SDK2: variants seen among roughly 807,000 people sequenced by gnomAD.
SDK2 encodes the protein protein sidekick-2.
Under a neutral mutation model 253.9 loss-of-function variants are expected in SDK2, and 105 were observed. The ratio of observed to expected loss-of-function variants is 0.41; its 90% CI spans 0.35 to 0.49. The LOEUF is 0.49. SDK2 is among the 20% of genes least tolerant of loss of function. The pLI, the probability that SDK2 is intolerant of heterozygous loss-of-function variation, is 0.06. For missense variants in SDK2, 2,608 were observed against 3,003.0 expected, an observed-to-expected ratio of 0.87 and a Z score of 3.07; for synonymous variants, 1,249 against 1,234.9, an observed-to-expected ratio of 1.01 and a Z score of -0.24.
Position 73,358,222 on chromosome 17 carries a change from A to G in SDK2, c.5468-18T>C, listed in dbSNP as rs1342377779. 2 of 1,583,794 alleles carry G rather than the reference A, an allele frequency of 1.3e-6. No homozygotes were observed. The highest frequency in any genetic ancestry group is 2.3e-5 in the East Asian group (1 of 44,384). On this transcript the variant is annotated intron_variant, in intron 39 of 44. Transcript: ENST00000392650. ...TGGGGCACCTGCAGACAGCACACAG[A>G]GGCGAGGGATGTATGGAACCCAGAA... is the stretch of plus-strand genomic sequence containing the variant.
At chr17:73,483,584 T>C (rs1354973440) in intron 2 of SDK2, among the ~76,000 whole-genome samples, 1 of 142,802 alleles carries the variant, frequency 7.0e-6, no homozygotes, top group African/African-American at 2.6e-5. Flanking sequence ...TATGTGTATA[T>C]ATATGTATAT....
chr17:73,622,417 G>T (rs1335600892), intron 1 of SDK2, among the ~76,000 whole-genome samples: 1 of 152,206 alleles, frequency 6.6e-6, no homozygotes, highest in African/African-American at 2.4e-5. Flanking sequence ...ACTACAGTAT[G>T]ATGCTTCTGG....
intron 2 of SDK2, among the ~76,000 whole-genome samples, chr17:73,497,678 G>C (rs536360767): frequency 6.7e-6 from 1 of 150,330 alleles, no homozygotes; most frequent in Admixed American, 6.6e-5. Flanking sequence ...TGGCCCAGCC[G>C]CCCCTCGCAG....
rs575405854 is a variant in SDK2, at chr17:73,454,474, G to A, written c.479+1432C>T. ...AACTTCACTTGATTGCCTGTAAAAC[G>A]GGGAGAAACCCAGCACCTCACCGGG... On this transcript the variant is annotated intron_variant, in intron 4 of 44. Transcript: ENST00000392650. Among the ~76,000 whole-genome samples the A allele has an allele frequency of 1.3e-4, 20 of 152,294 alleles. 1 individual carries two copies. Among genetic ancestry groups the A allele is most frequent in the Admixed American group, 1.1e-3 (17 of 15,300 alleles).
intron 2 of SDK2, among the ~76,000 whole-genome samples, chr17:73,505,146 A>G (rs1211484537): frequency 1.3e-5 from 2 of 152,226 alleles, no homozygotes; most frequent in African/African-American, 2.4e-5. Context: ...GAATTTGCAG[A>G]GCAGTTAGCC....
intron 1 of SDK2, among the ~76,000 whole-genome samples, chr17:73,590,476 G>A (rs191739798): frequency 8.5e-5 from 13 of 152,230 alleles, no homozygotes; most frequent in South Asian, 6.2e-4. Flanking sequence ...GCTCTGCCCC[G>A]TCTGGCTCTG....
chr17:73,445,815 G>A (rs1322370678), intron 5 of SDK2, among the ~76,000 whole-genome samples: 6 of 152,310 alleles, frequency 3.9e-5, no homozygotes, highest in African/African-American at 1.4e-4. Context: ...AGCGGATTCT[G>A]CTCTGAATTC....
Position 73,338,854 on chromosome 17 carries a change from G to A in SDK2, c.6252C>T (p.Tyr2084=), listed in dbSNP as rs772848713. The change falls in exon 45 of 45, where the codon TAC becomes TAT. Residue 2084 remains tyrosine, a synonymous_variant. Transcript: ENST00000392650. The surrounding 1 kb of genome is among the most constrained non-coding windows in gnomAD (Gnocchi z 5.0). ...VNHYISDPTY[Y]NSWRRQQKGI... Reference sequence around the variant, plus strand: ...CCTTCTGCTGTCGCCGCCACGAGTTGTAGTATGTGGGGTCACTGATGTAGT... The same window carrying A: ...CCTTCTGCTGTCGCCGCCACGAGTTATAGTATGTGGGGTCACTGATGTAGT... 6.2e-6 allele frequency: 10 copies of A among 1,614,020 alleles called. No homozygotes were observed. The South Asian group carries it at 9.9e-5, about 16-fold the overall frequency.
chr17:73,391,820 C>A (rs1467279924), intron 27 of SDK2, among the ~76,000 whole-genome samples: 1 of 152,272 alleles, frequency 6.6e-6, no homozygotes, highest in African/African-American at 2.4e-5. Context: ...CAGAACCGGG[C>A]TGCCCTCAGA....
chr17:73,634,402 T>C (rs908553049), intron 1 of SDK2, among the ~76,000 whole-genome samples: 2 of 152,218 alleles, frequency 1.3e-5, no homozygotes, highest in South Asian at 2.1e-4. Context: ...ATACTAACAA[T>C]GTTAATAACA....
At chr17:73,354,198 C>T (rs1247296600) in intron 40 of SDK2, among the ~76,000 whole-genome samples, 5 of 152,292 alleles carry the variant, frequency 3.3e-5, no homozygotes, top group South Asian at 2.1e-4. Context: ...TGAGCCACCG[C>T]GCTCAGCCAA....
At chr17:73,459,005 C>A (rs1291188248) in intron 3 of SDK2, among the ~76,000 whole-genome samples, 1 of 152,102 alleles carries the variant, frequency 6.6e-6, no homozygotes, top group Non-Finnish European at 1.5e-5. Context: ...AACTCCATCT[C>A]ACAGAAAACA....
At position 73,438,081 on chromosome 17, in the gene SDK2, G is replaced by A. The variant is rs1178617934; in HGVS notation, c.799C>T (p.Arg267Cys). The A allele has an allele frequency of 5.8e-6, 9 of 1,551,670 alleles. No homozygotes were observed. Among genetic ancestry groups the A allele is most frequent in the African/African-American group, 1.4e-5 (1 of 73,176 alleles). Residue 267 changes from arginine (R) to cysteine (C), a missense_variant, in exon 7 of 45, where the codon CGC (arginine) becomes TGC (cysteine). Around this residue, in one of 2 missense-constraint regions of SDK2, gnomAD observed 1,505 missense variants for 1,859.1 expected, o/e 0.81. Transcript: ENST00000392650. The stretch of plus-strand genomic sequence containing the variant: ...GTGGGGTTGGGGATGGTGAGCCGGC[G>A]GTTGTGGTCACTGATGCCGCCCGAC... ...LLSGGISDHN[R>C]RLTIPNPTGS...
At chr17:73,574,456 CA>C (rs2045430659) in intron 1 of SDK2, among the ~76,000 whole-genome samples, 1 of 152,346 alleles carries the variant, frequency 6.6e-6, no homozygotes, top group East Asian at 1.9e-4. Context: ...CACATGCACA[CA>C]TACACGCCTC....
At chr17:73,409,081 G>A (rs1568387425) in intron 18 of SDK2, among the ~76,000 whole-genome samples, 1 of 152,218 alleles carries the variant, frequency 6.6e-6, no homozygotes, top group Non-Finnish European at 1.5e-5. Context: ...GGCAGAGATG[G>A]AACATACCTG....
At position 73,431,936 on chromosome 17, in the gene SDK2, C is replaced by T. The variant is rs571290663; in HGVS notation, c.1313-267G>A. On this transcript the variant is annotated intron_variant, in intron 10 of 44. Transcript: ENST00000392650. This position sits in a 1 kb window ranked among gnomAD's most constrained non-coding sequence, Gnocchi z 5.6. ...TGATGCTCCTGTGCCCGCCACACCA[C>T]GTGCCCTTCAACAGAGAAGGGGGCG... is the stretch of plus-strand genomic sequence containing the variant. Among the ~76,000 whole-genome samples the T allele has an allele frequency of 3.3e-5, 5 of 152,296 alleles. No homozygotes were observed. Among genetic ancestry groups the T allele is most frequent in the African/African-American group, 9.6e-5 (4 of 41,564 alleles).
chr17:73,531,853 C>CA (rs1211199910), intron 1 of SDK2, among the ~76,000 whole-genome samples: 1 of 152,172 alleles, frequency 6.6e-6, no homozygotes, highest in Non-Finnish European at 1.5e-5. Flanking sequence ...CCCTTTCCCC[C>CA]AGGCCTTCAC....
chr17:73,460,017 G>T (rs960012617), intron 3 of SDK2, among the ~76,000 whole-genome samples: 3 of 152,188 alleles, frequency 2.0e-5, no homozygotes, highest in African/African-American at 7.2e-5. Flanking sequence ...CAGTATGATG[G>T]ACATTCCTCT....
intron 15 of SDK2, among the ~76,000 whole-genome samples, chr17:73,421,829 G>A (rs2063233970): frequency 6.6e-6 from 1 of 152,066 alleles, no homozygotes. Context: ...CTGACGTGCT[G>A]GGATTACAGG....
Sources: gnomAD v4.1 joint callset for allele counts (sites outside exome capture counted in the v4.1 genomes callset) on GRCh38, gnomAD v4.1.1 for gene constraint, gnomAD v4.1.1 regional missense constraint, Gnocchi (gnomAD v3.1) non-coding constraint, MANE v1.5 for transcripts, NCBI Gene and HGNC (gene_info 2026-07-23, HGNC 2026-07-21) for gene names.